Variants in TRIM24 observed in about 807,000 individuals in gnomAD.
TRIM24 encodes the protein transcription intermediary factor 1-alpha.
A neutral mutation model predicts 123.9 loss-of-function variants in TRIM24; 29 were observed. The observed-to-expected ratio is 0.23, with a 90% CI of 0.17 to 0.32. The LOEUF (loss-of-function observed/expected upper bound fraction) is 0.32, where lower values mean the gene tolerates loss of function less well. TRIM24 is among the 10% of genes least tolerant of loss of function. TRIM24 has a pLI of 1.00. For synonymous variants in TRIM24, 456 were observed against 461.1 expected (o/e 0.99, Z 0.14); for missense variants, 932 against 1,295.3 (o/e 0.72, Z 4.31).
At chr7:138,551,015 T>C in intron 7 of TRIM24, 48 bp from the exon 8 acceptor site, 1 of 1,487,212 alleles carries the variant, frequency 6.7e-7, no homozygotes, top group Non-Finnish European at 9.4e-7. Context: ...ACTGGGCGCT[T>C]AATAAATTAT....
intron 9 of TRIM24, among the ~76,000 whole-genome samples, chr7:138,562,269 G>A (rs1034902381): frequency 6.6e-6 from 1 of 152,148 alleles, no homozygotes; most frequent in African/African-American, 2.4e-5. Flanking sequence ...TCTTGTCCAG[G>A]TGAACTGCGA....
At chr7:138,473,156 T>C (rs894441976) in intron 1 of TRIM24, among the ~76,000 whole-genome samples, 1 of 152,198 alleles carries the variant, frequency 6.6e-6, no homozygotes, top group Non-Finnish European at 1.5e-5. Flanking sequence ...GGCATGTGCC[T>C]GTAGTTCCAG....
chr7:138,472,520 T>A (rs1179396570), intron 1 of TRIM24, among the ~76,000 whole-genome samples: 5 of 152,128 alleles, frequency 3.3e-5, no homozygotes, highest in Non-Finnish European at 5.9e-5. Context: ...GGTCGTCTGC[T>A]GAGAATGAGA....
intron 9 of TRIM24, among the ~76,000 whole-genome samples, chr7:138,555,807 C>T (rs1471689404): frequency 2.6e-5 from 4 of 151,978 alleles, no homozygotes; most frequent in Non-Finnish European, 1.5e-5. Context: ...TAAGTTGCTT[C>T]CCCTGTCACA....
At chr7:138,527,240 GTTT>G (rs1796629210) in intron 5 of TRIM24, among the ~76,000 whole-genome samples, 1 of 151,874 alleles carries the variant, frequency 6.6e-6, no homozygotes, top group African/African-American at 2.4e-5. Flanking sequence ...TTAACATAGT[GTTT>G]TTCAAATTTC....
At chr7:138,521,859 G>A (rs889446516) in intron 4 of TRIM24, among the ~76,000 whole-genome samples, 2 of 152,134 alleles carry the variant, frequency 1.3e-5, no homozygotes, top group Non-Finnish European at 2.9e-5. Flanking sequence ...CTCTTCATCT[G>A]AAAGATATGA....
At chr7:138,582,098 TAA>T (rs1797907264) in intron 17 of TRIM24, among the ~76,000 whole-genome samples, 2 of 152,160 alleles carry the variant, frequency 1.3e-5, no homozygotes, top group Admixed American at 6.6e-5. Flanking sequence ...AACTTTGAAA[TAA>T]AGACATCTCT....
chr7:138,530,500 C>G (rs1796707931), intron 6 of TRIM24, among the ~76,000 whole-genome samples: 1 of 152,062 alleles, frequency 6.6e-6, no homozygotes, highest in South Asian at 2.1e-4. Flanking sequence ...GGGTCTCACT[C>G]TGTTGCCCAG....
intron 1 of TRIM24, among the ~76,000 whole-genome samples, chr7:138,482,139 G>T (rs904938336): frequency 6.6e-6 from 1 of 151,988 alleles, no homozygotes; most frequent in Non-Finnish European, 1.5e-5. Flanking sequence ...TAGAAAAAAG[G>T]GTCTTGCTAT....
chr7:138,537,915 TCCTTTTTCC>T (rs1796927704), intron 6 of TRIM24, among the ~76,000 whole-genome samples: 1 of 152,244 alleles, frequency 6.6e-6, no homozygotes. Flanking sequence ...CCTGTTTTCC[TCCTTTTTCC>T]TTGCTAGGTC....
At chr7:138,498,085 A>T (rs560774659) in intron 1 of TRIM24, among the ~76,000 whole-genome samples, 1 of 151,570 alleles carries the variant, frequency 6.6e-6, no homozygotes, top group Non-Finnish European at 1.5e-5. Context: ...CAGTGGCGCA[A>T]TCTCAGCTCA....
rs1448055219 is a variant in TRIM24, at chr7:138,587,570, T to G, written c.*2619T>G. ...CATTCCCCCAAAAGTTCAGTGCGATTCAGGTAACCTTGACCTAAACTTGTA... is the reference window on the plus strand; with the variant it reads ...CATTCCCCCAAAAGTTCAGTGCGATGCAGGTAACCTTGACCTAAACTTGTA... On this transcript the variant is annotated 3_prime_UTR_variant, in exon 19 of 19. Coordinates refer to ENST00000343526, the MANE Select transcript of TRIM24 (RefSeq NM_015905.3). 1 of 152,242 alleles carries G rather than the reference T, an allele frequency of 6.6e-6. No individual in the cohort carries two copies. Among genetic ancestry groups the G allele is most frequent in the East Asian group, 1.9e-4 (1 of 5,200 alleles). The allele number at this position is 152,242 out of a possible 1,614,324, so 9.4% of individuals were successfully genotyped here.
At chr7:138,495,997 G>T (rs999034007) in intron 1 of TRIM24, among the ~76,000 whole-genome samples, 1 of 152,118 alleles carries the variant, frequency 6.6e-6, no homozygotes, top group Admixed American at 6.6e-5. Flanking sequence ...GATTACTGTA[G>T]CTCTATCCAT....
rs2116635970 is a variant in TRIM24, at chr7:138,554,624, A to G, written c.1262-74A>G. The G allele has an allele frequency of 1.3e-6, 2 of 1,521,144 alleles. No homozygotes were observed. Among genetic ancestry groups the G allele is most frequent in the Non-Finnish European group, 8.9e-7 (1 of 1,122,744 alleles). The allele number at this position is 1,521,144 out of a possible 1,614,324, so 94.2% of individuals were successfully genotyped here. A position where few individuals can be genotyped will look rare whatever the true frequency, so the allele number is the denominator to read the frequency against. On this transcript the variant is annotated intron_variant, in intron 8 of 18. Coordinates refer to ENST00000343526, the MANE Select transcript of TRIM24 (RefSeq NM_015905.3). The surrounding 1 kb of genome is among the most constrained non-coding windows in gnomAD (Gnocchi z 4.5). ...CTTGGCAATTTTGAAGTTCTGCAAAAATAGCTTTAGAAAATGTGATATTTC... is the reference window on the plus strand; with the variant it reads ...CTTGGCAATTTTGAAGTTCTGCAAAGATAGCTTTAGAAAATGTGATATTTC...
At chr7:138,519,669 C>A (rs1487432977) in intron 4 of TRIM24, among the ~76,000 whole-genome samples, 2 of 152,118 alleles carry the variant, frequency 1.3e-5, no homozygotes, top group Non-Finnish European at 2.9e-5. Context: ...AGAACACTGG[C>A]CAACACACTG....
At chr7:138,531,066 C>T (rs1200937753) in intron 6 of TRIM24, among the ~76,000 whole-genome samples, 2 of 152,038 alleles carry the variant, frequency 1.3e-5, no homozygotes, top group South Asian at 2.1e-4. Flanking sequence ...GGACTACAAG[C>T]GATCCTCCTG....
At chr7:138,475,388 A>G (rs998669005) in intron 1 of TRIM24, among the ~76,000 whole-genome samples, 2 of 152,234 alleles carry the variant, frequency 1.3e-5, no homozygotes, top group Non-Finnish European at 2.9e-5. Context: ...AGAAACAAAT[A>G]CAATGAAATT....
At chr7:138,485,947 C>T (rs1023181384) in intron 1 of TRIM24, among the ~76,000 whole-genome samples, 14 of 152,194 alleles carry the variant, frequency 9.2e-5, no homozygotes, top group Non-Finnish European at 1.5e-5. Flanking sequence ...CCAGTTTACA[C>T]TCCCACCAAC....
At chr7:138,508,556 T>C (rs1235345750) in intron 2 of TRIM24, among the ~76,000 whole-genome samples, 1 of 152,174 alleles carries the variant, frequency 6.6e-6, no homozygotes, top group Non-Finnish European at 1.5e-5. Context: ...TAAGCTATAG[T>C]GCATCCAGGA....
Sources: allele counts gnomAD v4.1 joint callset (sites outside exome capture counted in the v4.1 genomes callset), GRCh38; gene constraint gnomAD v4.1.1; non-coding constraint Gnocchi (gnomAD v3.1); transcripts MANE v1.5; gene names NCBI Gene and HGNC (gene_info 2026-07-23, HGNC 2026-07-21).